The following KCNQ5 variants were observed in gnomAD, a reference collection of about 807,000 sequenced individuals.
KCNQ5 encodes potassium voltage-gated channel subfamily Q member 5.
A neutral mutation model predicts 98.2 loss-of-function variants in KCNQ5; 30 were observed. The ratio of observed to expected loss-of-function variants is 0.31; its 90% CI spans 0.23 to 0.41. The LOEUF is 0.41. KCNQ5 is among the 10% of genes least tolerant of loss of function. The pLI is 1.00. For missense variants in KCNQ5, 835 were observed against 1,182.5 expected, an observed-to-expected ratio of 0.71 and a Z score of 4.31; for synonymous variants, 458 against 449.4, an observed-to-expected ratio of 1.02 and a Z score of -0.24.
intron 3 of KCNQ5, among the ~76,000 whole-genome samples, chr6:73,058,927 G>A (rs2150373503): frequency 6.6e-6 from 1 of 152,280 alleles, no homozygotes; most frequent in South Asian, 2.1e-4. Flanking sequence ...ATGCTGGCAA[G>A]GTTATGGAGA....
At chr6:72,734,398 T>C (rs1770715386) in intron 1 of KCNQ5, among the ~76,000 whole-genome samples, 1 of 152,040 alleles carries the variant, frequency 6.6e-6, no homozygotes, top group African/African-American at 2.4e-5. Flanking sequence ...CTCGGCTCAC[T>C]GCAAGCTCCA....
At chr6:72,821,011 A>G (rs1362810947) in intron 1 of KCNQ5, among the ~76,000 whole-genome samples, 1 of 152,206 alleles carries the variant, frequency 6.6e-6, no homozygotes, top group Non-Finnish European at 1.5e-5. Flanking sequence ...TGTGACATGG[A>G]TGCAAGGGCA....
intron 2 of KCNQ5, among the ~76,000 whole-genome samples, chr6:73,037,178 A>G (rs1421139031): frequency 6.6e-6 from 1 of 152,150 alleles, no homozygotes; most frequent in Non-Finnish European, 1.5e-5. Flanking sequence ...TTTTATGAAT[A>G]TCCTATTTAT....
chr6:73,178,053 A>C (rs1369971880), intron 11 of KCNQ5, among the ~76,000 whole-genome samples: 1 of 152,126 alleles, frequency 6.6e-6, no homozygotes, highest in Non-Finnish European at 1.5e-5. Context: ...AAATATTTTA[A>C]AGTAGTCAAC....
chr6:72,995,355 C>T (rs553923592), intron 1 of KCNQ5, among the ~76,000 whole-genome samples: 87 of 132,192 alleles, frequency 6.6e-4, no homozygotes, highest in African/African-American at 4.3e-4. Flanking sequence ...GCAACAAGAG[C>T]GAAACTCTGT....
At chr6:73,077,695 T>C in intron 4 of KCNQ5, 67 bp from the exon 5 acceptor site, 2 of 1,434,876 alleles carry the variant, frequency 1.4e-6, no homozygotes. Flanking sequence ...AGAATCCTCA[T>C]AGAATTCTTT....
intron 1 of KCNQ5, among the ~76,000 whole-genome samples, chr6:72,794,920 A>T (rs905818586): frequency 2.0e-5 from 3 of 152,192 alleles, no homozygotes; most frequent in African/African-American, 7.2e-5. Flanking sequence ...TAAGCAAAAA[A>T]CAAAATGTTA....
At chr6:72,896,779 C>T (rs1017569908) in intron 1 of KCNQ5, among the ~76,000 whole-genome samples, 1 of 152,044 alleles carries the variant, frequency 6.6e-6, no homozygotes, top group African/African-American at 2.4e-5. Context: ...GGTAGGACTC[C>T]CTGCCACCCT....
At chr6:72,708,572 G>A (rs1769207093) in intron 1 of KCNQ5, among the ~76,000 whole-genome samples, 1 of 152,172 alleles carries the variant, frequency 6.6e-6, no homozygotes, top group African/African-American at 2.4e-5. Context: ...CCAGGCTGGA[G>A]TGCAGTGCTG....
intron 1 of KCNQ5, among the ~76,000 whole-genome samples, chr6:72,969,493 G>A (rs1767770639): frequency 6.6e-6 from 1 of 152,072 alleles, no homozygotes; most frequent in South Asian, 2.1e-4. Context: ...CCTCCCCTAG[G>A]TAGAGTTTTC....
intron 1 of KCNQ5, among the ~76,000 whole-genome samples, chr6:73,001,925 G>A (rs998419886): frequency 6.6e-6 from 1 of 151,658 alleles, no homozygotes; most frequent in Admixed American, 6.6e-5. Context: ...TTCGAGACCA[G>A]CCTGAGCAAC....
At chr6:72,737,576 C>A (rs541962506) in intron 1 of KCNQ5, among the ~76,000 whole-genome samples, 5 of 151,810 alleles carry the variant, frequency 3.3e-5, no homozygotes, top group African/African-American at 9.7e-5. Context: ...GTTCTACCTG[C>A]GAATTTTGGC....
Position 72,622,543 on chromosome 6 carries a change from G to C in KCNQ5, c.354G>C (p.Val118=). The stretch of plus-strand genomic sequence containing the variant: ...GGGTGCAGAACTACCTGTACAACGT[G>C]CTGGAGAGACCCCGCGGCTGGGCGT... ...YRRVQNYLYN[V]LERPRGWAFI... is the part of the protein sequence containing the mutation. Residue 118 remains valine (V), a synonymous_variant, in exon 1 of 14, where the codon GTG becomes GTC. Coordinates refer to ENST00000370398, the MANE Select transcript of KCNQ5 (RefSeq NM_019842.4). This position sits in a 1 kb window ranked among gnomAD's most constrained non-coding sequence, Gnocchi z 6.0. 6.2e-7 allele frequency: 1 copy of C among 1,612,304 alleles called. No individual in the cohort carries two copies. The highest frequency in any genetic ancestry group is 8.5e-7 in the Non-Finnish European group (1 of 1,179,496).
At chr6:73,192,519 T>C in intron 12 of KCNQ5, 46 bp from the exon 13 acceptor site, 1 of 1,528,144 alleles carries the variant, frequency 6.5e-7, no homozygotes, top group South Asian at 1.3e-5. Flanking sequence ...CCTAGGGCAA[T>C]CTCCACCTTC....
chr6:73,135,996 T>C (rs1243129213), intron 10 of KCNQ5: 1 of 152,136 alleles, frequency 6.6e-6, no homozygotes, highest in East Asian at 1.9e-4. Context: ...AAAGACCCTA[T>C]CTCCAAACAG....
At chr6:72,766,474 C>T (rs527367162) in intron 1 of KCNQ5, among the ~76,000 whole-genome samples, 9 of 152,000 alleles carry the variant, frequency 5.9e-5, no homozygotes, top group African/African-American at 9.6e-5. Flanking sequence ...ATGGATATGG[C>T]GGTACTAGAA....
chr6:73,084,214 G>A (rs1041193196), intron 5 of KCNQ5, among the ~76,000 whole-genome samples: 1 of 152,316 alleles, frequency 6.6e-6, no homozygotes, highest in East Asian at 1.9e-4. Context: ...AACAAAGGGG[G>A]CGGGATGTGA....
chr6:72,868,578 G>C (rs955715363), intron 1 of KCNQ5, among the ~76,000 whole-genome samples: 1 of 152,160 alleles, frequency 6.6e-6, no homozygotes, highest in African/African-American at 2.4e-5. Flanking sequence ...CTGCCATATT[G>C]CATTCAGTGA....
At chr6:72,771,652 C>CTGTGTGTGTGTG (rs150518788) in intron 1 of KCNQ5, among the ~76,000 whole-genome samples, 5,533 of 147,786 alleles carry the variant, frequency 0.037, 144 homozygotes, top group Non-Finnish European at 0.053. Context: ...AACCATTTCA[C>CTGTGTGTGTGTG]TGTGTGTGTG....
Sources: allele counts gnomAD v4.1 joint callset (sites outside exome capture counted in the v4.1 genomes callset), GRCh38; gene constraint gnomAD v4.1.1; non-coding constraint Gnocchi (gnomAD v3.1); transcripts MANE v1.5; gene names NCBI Gene and HGNC (gene_info 2026-07-23, HGNC 2026-07-21).